SV2C: variants seen among roughly 807,000 people sequenced by gnomAD.
SV2C encodes the protein solute carrier family 22 member B3.
SV2C carries 49 observed loss-of-function variants against 79.7 expected under a neutral mutation model. That is an observed-to-expected ratio of 0.61 (90% CI 0.49 to 0.78). The LOEUF (loss-of-function observed/expected upper bound fraction) is 0.78, where lower values mean the gene tolerates loss of function less well. Ranked by LOEUF, SV2C falls within the 30% of genes least tolerant of loss-of-function variation. The pLI is 0.00. For missense variants in SV2C, 833 were observed against 912.9 expected, an observed-to-expected ratio of 0.91 and a Z score of 1.13; for synonymous variants, 334 against 333.2, an observed-to-expected ratio of 1.00 and a Z score of -0.03.
At chr5:76,237,562 T>A (rs1350367326) in intron 4 of SV2C, among the ~76,000 whole-genome samples, 1 of 152,202 alleles carries the variant, frequency 6.6e-6, no homozygotes, top group Non-Finnish European at 1.5e-5. Flanking sequence ...TATACCTTCT[T>A]TTTGGTGAAG....
intron 1 of SV2C, among the ~76,000 whole-genome samples, chr5:76,121,640 G>T (rs1347683074): frequency 3.3e-5 from 5 of 149,880 alleles, no homozygotes; most frequent in South Asian, 2.1e-4. Flanking sequence ...TTTCCCCATT[G>T]CTTGTTTTTC....
the SV2C span, among the ~76,000 whole-genome samples, chr5:75,948,849 G>A: frequency 2.0e-5 from 3 of 151,874 alleles, no homozygotes; most frequent in Non-Finnish European, 2.9e-5. Flanking sequence ...AAGGAGGCAG[G>A]GTCTGAGAGC....
chr5:76,253,302 G>T (rs916150785), intron 4 of SV2C, among the ~76,000 whole-genome samples: 2 of 151,856 alleles, frequency 1.3e-5, no homozygotes, highest in African/African-American at 2.4e-5. Context: ...TTGCTTTTTG[G>T]TTTTTTTGAG....
chr5:76,174,105 T>C (rs1743436548), intron 2 of SV2C: 1 of 1,593,222 alleles, frequency 6.3e-7, no homozygotes, highest in Middle Eastern at 1.7e-4. Flanking sequence ...TCTACAAAAA[T>C]TCCTTGAACA....
At chr5:76,268,502 T>C (rs1042466962) in intron 4 of SV2C, among the ~76,000 whole-genome samples, 3 of 152,216 alleles carry the variant, frequency 2.0e-5, no homozygotes, top group African/African-American at 7.2e-5. Flanking sequence ...TGTAAACTTG[T>C]AGGGACATGT....
At chr5:76,168,908 A>G (rs1743128837) in intron 2 of SV2C, among the ~76,000 whole-genome samples, 1 of 152,186 alleles carries the variant, frequency 6.6e-6, no homozygotes, top group African/African-American at 2.4e-5. Context: ...TAATTCCTCC[A>G]GCGTGACATT....
chr5:76,191,967 T>A (rs1451113118), intron 2 of SV2C, among the ~76,000 whole-genome samples: 2 of 152,198 alleles, frequency 1.3e-5, no homozygotes, highest in Admixed American at 1.3e-4. Context: ...GGAAGGCAGG[T>A]CCCAGGGGAG....
At chr5:76,066,705 G>A in the SV2C span, among the ~76,000 whole-genome samples, 2 of 151,212 alleles carry the variant, frequency 1.3e-5, no homozygotes, top group African/African-American at 4.9e-5. Context: ...AGGTTCACAT[G>A]AAGGGATGCT....
intron 7 of SV2C, among the ~76,000 whole-genome samples, chr5:76,291,549 G>A (rs1254050790): frequency 5.3e-5 from 8 of 152,144 alleles, no homozygotes; most frequent in Non-Finnish European, 1.0e-4. Flanking sequence ...CAGGAGTCTT[G>A]GCAGTGGCAG....
At chr5:76,263,151 C>T (rs1379528255) in intron 4 of SV2C, among the ~76,000 whole-genome samples, 4 of 152,150 alleles carry the variant, frequency 2.6e-5, no homozygotes, top group South Asian at 4.1e-4. Flanking sequence ...ATAGTTAGCT[C>T]TTCTTGTTGC....
At chr5:75,955,797 G>T in the SV2C span, among the ~76,000 whole-genome samples, 277 of 150,432 alleles carry the variant, frequency 1.8e-3, 2 homozygotes, top group Middle Eastern at 3.5e-3. Context: ...GTGAAAAAAT[G>T]CTCACCATCA....
chr5:76,071,972 A>G, the SV2C span, among the ~76,000 whole-genome samples: 1 of 152,248 alleles, frequency 6.6e-6, no homozygotes, highest in Non-Finnish European at 1.5e-5. Context: ...TCATCTGGAT[A>G]CAGAGGATCC....
chr5:76,078,014 T>C, the SV2C span, among the ~76,000 whole-genome samples: 1 of 152,244 alleles, frequency 6.6e-6, no homozygotes, highest in South Asian at 2.1e-4. Flanking sequence ...GACATCAACT[T>C]AGGAGTCAAT....
chr5:75,980,523 A>G, the SV2C span, among the ~76,000 whole-genome samples: 2 of 152,204 alleles, frequency 1.3e-5, no homozygotes, highest in African/African-American at 2.4e-5. Flanking sequence ...ACCACTGTCA[A>G]GTAGGCTTCA....
chr5:76,226,634 A>G (rs1745255675), intron 4 of SV2C, among the ~76,000 whole-genome samples: 1 of 152,216 alleles, frequency 6.6e-6, no homozygotes, highest in Non-Finnish European at 1.5e-5. Flanking sequence ...TTCTAAAGTC[A>G]CTTTCCCATA....
At chr5:76,291,198 C>A in intron 6 of SV2C, 23 bp from the exon 7 acceptor site, 1 of 1,575,978 alleles carries the variant, frequency 6.3e-7, no homozygotes, top group Non-Finnish European at 8.7e-7. Flanking sequence ...TAACTTAGCG[C>A]TTTGGTCTGT....
chr5:76,283,904 A>C (rs1210029584), intron 4 of SV2C, among the ~76,000 whole-genome samples: 1 of 152,220 alleles, frequency 6.6e-6, no homozygotes, highest in African/African-American at 2.4e-5. Context: ...AGGAAGTTAC[A>C]TCACCTTCAG....
At chr5:76,203,098 T>C (rs1407486307) in intron 3 of SV2C, among the ~76,000 whole-genome samples, 3 of 152,178 alleles carry the variant, frequency 2.0e-5, no homozygotes, top group Admixed American at 6.5e-5. Flanking sequence ...CAGTATACCC[T>C]TTAGCAAAGG....
chr5:75,977,312 G>C, the SV2C span, among the ~76,000 whole-genome samples: 1 of 152,152 alleles, frequency 6.6e-6, no homozygotes, highest in African/African-American at 2.4e-5. Context: ...GTTTACCTGA[G>C]CTGGCACAAT....
Sources: allele counts gnomAD v4.1 joint callset (sites outside exome capture counted in the v4.1 genomes callset), GRCh38; gene constraint gnomAD v4.1.1; transcripts MANE v1.5; gene names NCBI Gene and HGNC (gene_info 2026-07-23, HGNC 2026-07-21).